The following ZCWPW1 variants were observed in gnomAD, a reference collection of about 807,000 sequenced individuals.
The protein encoded by ZCWPW1 is zinc finger CW-type PWWP domain protein 1.
A neutral mutation model predicts 81.3 loss-of-function variants in ZCWPW1; 56 were observed. The ratio of observed to expected loss-of-function variants is 0.69; its 90% confidence interval spans 0.56 to 0.86. The LOEUF is 0.86. Ranked by LOEUF, ZCWPW1 falls within the 40% of genes least tolerant of loss-of-function variation. The pLI is 0.00. For missense variants in ZCWPW1, 650 were observed against 769.8 expected, an observed-to-expected ratio of 0.84 and a Z score of 1.84; for synonymous variants, 250 against 273.7, an observed-to-expected ratio of 0.91 and a Z score of 0.86.
At chr7:100,417,459 T>C in intron 5 of ZCWPW1, 1 of 332,432 alleles carries the variant, frequency 3.0e-6, no homozygotes, top group Non-Finnish European at 5.5e-6. Flanking sequence ...GGCTCACGCC[T>C]GTAATCCTAA....
In ZCWPW1 at chr7:100,417,138, G is replaced by A; in HGVS notation, c.407C>T (p.Pro136Leu). Residue 136 changes from proline (P) to leucine (L), a missense_variant, in exon 6 of 18, where the codon CCC (proline) becomes CTC (leucine). Physicochemically the swap from Pro to Leu is moderately conservative, Grantham distance 98. Coordinates refer to ENST00000684423, the MANE Select transcript of ZCWPW1 (RefSeq NM_001386010.1). ...LDFAETSCAQ[P>L]VVSTQSDKEP... is the part of the protein sequence containing the mutation. ...CTTGTCTGATTGGGTAGATACTACG[G>A]GCTGGGCACAAGAAGTCTCTGCAAA... 1 of 1,613,938 alleles carries A rather than the reference G, an allele frequency of 6.2e-7. No individual in the cohort carries two copies. Among genetic ancestry groups the A allele is most frequent in the Non-Finnish European group, 8.5e-7 (1 of 1,180,012 alleles).
chr7:100,416,978 A>T, intron 6 of ZCWPW1, 88 bp downstream of exon 6: 1 of 969,894 alleles, frequency 1.0e-6, no homozygotes, highest in Non-Finnish European at 1.6e-6. Flanking sequence ...ATGATAAATG[A>T]CCAGATAGAC....
intron 2 of ZCWPW1, among the ~76,000 whole-genome samples, chr7:100,423,163 C>T (rs950975457): frequency 6.6e-6 from 1 of 152,170 alleles, no homozygotes; most frequent in Non-Finnish European, 1.5e-5. Flanking sequence ...AGTGGTTTGC[C>T]TAAAGACTCA....
intron 8 of ZCWPW1, among the ~76,000 whole-genome samples, chr7:100,409,845 T>A (rs147462300): frequency 6.6e-6 from 1 of 152,350 alleles, no homozygotes; most frequent in East Asian, 1.9e-4. Flanking sequence ...GAATGTTTCT[T>A]GTATTGACAG....
chr7:100,401,325 T>G lies in ZCWPW1; in HGVS notation c.1639A>C (p.Lys547Gln). ...GCCTTGCTCTGGGGAGCTTTAAATT[T>G]TTTCTTAGGGCCTAAATGAGAAGGT... ...SDSDQPGPKK[K>Q]FKAPQSKALA... The change falls in exon 18 of 18, where the codon AAA (lysine) becomes CAA (glutamine). Residue 547 changes from lysine (K) to glutamine (Q), a missense_variant. Lys to Gln is a moderately conservative substitution (Grantham distance 53, BLOSUM62 1). Coordinates refer to ENST00000684423, the MANE Select transcript of ZCWPW1 (RefSeq NM_001386010.1). 1 of 1,548,920 alleles carries G rather than the reference T, an allele frequency of 6.5e-7. No homozygotes were observed. Among genetic ancestry groups the G allele is most frequent in the Non-Finnish European group, 8.7e-7 (1 of 1,150,856 alleles).
In ZCWPW1 at chr7:100,401,155, G is replaced by C; in HGVS notation, c.1809C>G (p.Val603=). The C allele has an allele frequency of 3.7e-6, 6 of 1,614,250 alleles. No individual in the cohort carries two copies. Among genetic ancestry groups the C allele is most frequent in the Non-Finnish European group, 5.1e-6 (6 of 1,180,044 alleles). ...REPLTQEAGS[V]PLEDEASSDL... ...CACTGGAGGCTTCGTCCTCAAGGGGGACACTTCCAGCCTCCTGGGTCAGGG... is the reference window on the plus strand; with the variant it reads ...CACTGGAGGCTTCGTCCTCAAGGGGCACACTTCCAGCCTCCTGGGTCAGGG... Residue 603 remains valine, a synonymous_variant, in exon 18 of 18, where the codon GTC becomes GTG. Coordinates refer to ENST00000684423, the MANE Select transcript of ZCWPW1 (RefSeq NM_001386010.1).
At chr7:100,413,891 G>A (rs904222627) in intron 8 of ZCWPW1, among the ~76,000 whole-genome samples, 3 of 152,042 alleles carry the variant, frequency 2.0e-5, no homozygotes, top group African/African-American at 7.2e-5. Flanking sequence ...GCCTCTTACA[G>A]TAATTCTGAG....
At chr7:100,427,580 T>G (rs1162590876) in intron 1 of ZCWPW1, among the ~76,000 whole-genome samples, 1 of 151,380 alleles carries the variant, frequency 6.6e-6, no homozygotes, top group South Asian at 2.1e-4. Context: ...GCGCCTGTAG[T>G]CCCAGCTCCT....
chr7:100,417,009 T>C (rs910180670), intron 6 of ZCWPW1, 57 bp downstream of exon 6: 24 of 1,231,018 alleles, frequency 1.9e-5, no homozygotes, highest in African/African-American at 3.0e-5. Context: ...ATAGACTGAC[T>C]GACCATGAAT....
At chr7:100,415,043 A>T (rs901148210) in intron 8 of ZCWPW1, among the ~76,000 whole-genome samples, 1 of 151,424 alleles carries the variant, frequency 6.6e-6, no homozygotes. Flanking sequence ...CAAAACAAAA[A>T]AACAAAAAAC....
In ZCWPW1 at chr7:100,400,917, T is replaced by C; in HGVS notation, c.*97A>G. Reference sequence around the variant, plus strand: ...TAACACAGAAACTGCACCACACACATTTGAACCTCATAGCCAATGAACAGA... The same window carrying C: ...TAACACAGAAACTGCACCACACACACTTGAACCTCATAGCCAATGAACAGA... On this transcript the variant is annotated 3_prime_UTR_variant, in exon 18 of 18. Coordinates refer to ENST00000684423, the MANE Select transcript of ZCWPW1 (RefSeq NM_001386010.1). The C allele has an allele frequency of 7.5e-7, 1 of 1,327,634 alleles. No individual in the cohort carries two copies. The highest frequency in any genetic ancestry group is 1.0e-6 in the Non-Finnish European group (1 of 996,940). The allele number at this position is 1,327,634 out of a possible 1,614,324, so 82.2% of individuals were successfully genotyped here. A position where few individuals can be genotyped will look rare whatever the true frequency, so the allele number is the denominator to read the frequency against.
At chr7:100,426,400 G>A (rs1210446109) in intron 1 of ZCWPW1, among the ~76,000 whole-genome samples, 1 of 150,382 alleles carries the variant, frequency 6.6e-6, no homozygotes, top group South Asian at 2.1e-4. Context: ...GCTGAAGCAG[G>A]AGAATCACTT....
intron 14 of ZCWPW1, 66 bp from the exon 15 acceptor site, chr7:100,403,851 G>T: frequency 1.4e-6 from 2 of 1,452,898 alleles, no homozygotes; most frequent in South Asian, 1.2e-5. Flanking sequence ...TAATGAAGCT[G>T]ATCACAAAGA....
Position 100,416,099 on chromosome 7 carries a change from T to G in ZCWPW1, c.632-2A>C. 1 of 1,613,434 alleles carries G rather than the reference T, an allele frequency of 6.2e-7. No homozygotes were observed. The highest frequency in any genetic ancestry group is 8.5e-7 in the Non-Finnish European group (1 of 1,179,958). On this transcript the variant is annotated splice_acceptor_variant, in intron 7 of 17. Coordinates refer to ENST00000684423, the MANE Select transcript of ZCWPW1 (RefSeq NM_001386010.1). LOFTEE classifies it high-confidence loss of function. ...GAGTTTTCTCCACCTTCTCATCTTCTGGGAAGAAAAAAGAAAACGTGAGGT... is the reference window on the plus strand; with the variant it reads ...GAGTTTTCTCCACCTTCTCATCTTCGGGGAAGAAAAAAGAAAACGTGAGGT...
intron 2 of ZCWPW1, 115 bp from the exon 3 acceptor site, chr7:100,420,793 T>C: frequency 1.1e-6 from 1 of 917,326 alleles, no homozygotes; most frequent in Non-Finnish European, 1.7e-6. Flanking sequence ...GTTTCTGCAT[T>C]CTTGACCTCC....
chr7:100,407,478 G>A (rs1281515909), intron 10 of ZCWPW1, among the ~76,000 whole-genome samples, 175 bp from the exon 11 acceptor site: 2 of 152,014 alleles, frequency 1.3e-5, no homozygotes, highest in East Asian at 1.9e-4. Flanking sequence ...CTGCAGCTTT[G>A]ATCTGTCAGG....
intron 5 of ZCWPW1, 41 bp from the exon 6 acceptor site, chr7:100,417,224 GA>G (rs1406576704): frequency 3.4e-6 from 5 of 1,466,528 alleles, no homozygotes; most frequent in African/African-American, 2.8e-5. Flanking sequence ...GCAAAAAAAC[GA>G]AAAAGCCACT....
At chr7:100,426,759 CCCT>C (rs1472498401) in intron 1 of ZCWPW1, among the ~76,000 whole-genome samples, 1 of 126,748 alleles carries the variant, frequency 7.9e-6, no homozygotes, top group African/African-American at 3.0e-5. Context: ...CTCTCCCTCC[CCCT>C]CCTTCCTTGC....
intron 15 of ZCWPW1, 45 bp downstream of exon 15, chr7:100,403,649 C>T (rs530597071): frequency 1.3e-6 from 2 of 1,535,000 alleles, no homozygotes; most frequent in Admixed American, 2.0e-5. Flanking sequence ...CCTGGTGAAA[C>T]TCCATCTCTA....
Sources: allele counts gnomAD v4.1 joint callset (sites outside exome capture counted in the v4.1 genomes callset), GRCh38; gene constraint gnomAD v4.1.1; transcripts MANE v1.5; gene names NCBI Gene and HGNC (gene_info 2026-07-23, HGNC 2026-07-21).